The following MCM7 variants were observed in gnomAD, a reference collection of about 807,000 sequenced individuals.
MCM7 encodes minichromosome maintenance complex component 7, also known as DNA replication licensing factor MCM7.
Under a neutral mutation model 83.5 loss-of-function variants are expected in MCM7, and 95 were observed. The ratio of observed to expected loss-of-function variants is 1.14; its 90% confidence interval spans 0.96 to 1.35. MCM7 has a LOEUF of 1.35. Among genes scored for constraint, MCM7 ranks in the 40% most tolerant of loss-of-function variants. MCM7 has a pLI of 0.00. For missense variants in MCM7, 1,087 were observed against 957.4 expected (o/e 1.14, Z -1.79); for synonymous variants, 461 against 352.7 (o/e 1.31, Z -3.44).
In MCM7 at chr7:100,097,926, A is replaced by C; in HGVS notation, c.893T>G (p.Leu298Arg). 6.2e-7 allele frequency: 1 copy of C among 1,614,190 alleles called. No individual in the cohort carries two copies. The highest frequency in any genetic ancestry group is 8.5e-7 in the Non-Finnish European group (1 of 1,180,026). ...VVQGLLSETY[L>R]EAHRIVKMNK... Reference sequence around the variant, plus strand: ...CATCTTCACAATCCGATGGGCTTCCAGGTAGGTTTCTGAGAGTAAACCCTT... The same window carrying C: ...CATCTTCACAATCCGATGGGCTTCCCGGTAGGTTTCTGAGAGTAAACCCTT... The change falls in exon 8 of 15, where the codon CTG becomes CGG. Residue 298 changes from leucine to arginine, a missense_variant. Physicochemically the swap from Leu to Arg is moderately radical, Grantham distance 102 (BLOSUM62 -2). Transcript: ENST00000303887.
intron 10 of MCM7, among the ~76,000 whole-genome samples, chr7:100,096,770 C>CA (rs913582077): frequency 8.6e-4 from 130 of 150,560 alleles, no homozygotes; most frequent in African/African-American, 1.4e-3. Flanking sequence ...GACTCCGTCT[C>CA]AAAAAAAACA....
At chr7:100,093,227 C>CA in intron 14 of MCM7, 65 bp downstream of exon 14, 1 of 1,592,712 alleles carries the variant, frequency 6.3e-7, no homozygotes, top group Admixed American at 1.7e-5. Flanking sequence ...GAATTGAGGC[C>CA]AACCTCAGAC....
chr7:100,099,452 G>A (rs752240975), intron 3 of MCM7, 49 bp from the exon 4 acceptor site: 3 of 1,586,584 alleles, frequency 1.9e-6, no homozygotes, highest in South Asian at 1.2e-5. Context: ...ACAGGATGGG[G>A]AAAGGAGAGC....
intron 1 of MCM7, 47 bp downstream of exon 1, chr7:100,101,216 CG>C: frequency 6.2e-7 from 1 of 1,610,768 alleles, no homozygotes; most frequent in Non-Finnish European, 8.5e-7. Context: ...AGGTGTTCCC[CG>C]GGAGGCTCCC....
At position 100,098,143 on chromosome 7, in the gene MCM7, G is replaced by A; in HGVS notation, c.868C>T (p.Gln290Ter). Reference sequence around the variant, plus strand: ...CCTCATGTCAAACTCTTCCTTACCTGTACCACCTGTCGGAACCCAGTGCGC... The same window carrying A: ...CCTCATGTCAAACTCTTCCTTACCTATACCACCTGTCGGAACCCAGTGCGC... Reference protein sequence around the residue: ...ILRTGFRQVVQGLLSETYLEA... With the variant: ...ILRTGFRQVV The change falls in exon 7 of 15, where the codon CAG becomes TAG. Residue 290 changes from glutamine (Q) to a stop codon, truncating the protein, a stop_gained and splice_region_variant. Coordinates refer to ENST00000303887, the MANE Select transcript of MCM7 (RefSeq NM_005916.5). LOFTEE classifies it high-confidence loss of function. The A allele has an allele frequency of 1.2e-6, 2 of 1,613,998 alleles. No individual in the cohort carries two copies. Among genetic ancestry groups the A allele is most frequent in the Non-Finnish European group, 1.7e-6 (2 of 1,179,938 alleles).
chr7:100,096,484 A>G (rs1795641409), intron 10 of MCM7, among the ~76,000 whole-genome samples: 1 of 152,222 alleles, frequency 6.6e-6, no homozygotes, highest in Admixed American at 6.5e-5. Flanking sequence ...AAAACTTTTT[A>G]GTAGAGGCCG....
At chr7:100,094,909 A>G (rs1329410480) in intron 12 of MCM7, among the ~76,000 whole-genome samples, 1 of 152,232 alleles carries the variant, frequency 6.6e-6, no homozygotes, top group Non-Finnish European at 1.5e-5. Context: ...AGGTAATTTT[A>G]TTAAAAATAT....
rs559736436 is a variant in MCM7 at position 100,094,680 on chromosome 7, T to C, written c.1680-339A>G. Among the ~76,000 whole-genome samples the C allele has an allele frequency of 5.9e-4, 90 of 152,246 alleles. 2 individuals carry two copies. In the South Asian group the frequency reaches 0.018, roughly 30 times the overall value. On this transcript the variant is annotated intron_variant, in intron 12 of 14. Coordinates refer to ENST00000303887, the MANE Select transcript of MCM7 (RefSeq NM_005916.5). Reference sequence around the variant, plus strand: ...AACATATATTTTATTTAAAGAGAACTGTTTACAGAATATTTAAAAGGGAGT... The same window carrying C: ...AACATATATTTTATTTAAAGAGAACCGTTTACAGAATATTTAAAAGGGAGT...
chr7:100,097,530 CTG>C lies in MCM7; in HGVS notation c.1117+82_1117+83del. 5.6e-6 allele frequency: 9 copies of C among 1,601,360 alleles called. No homozygotes were observed. The South Asian group carries it at 9.9e-5, about 18-fold the overall frequency. On this transcript the variant is annotated intron_variant, in intron 9 of 14. Coordinates refer to ENST00000303887, the MANE Select transcript of MCM7 (RefSeq NM_005916.5). ...CACGAAGGCAAGATGTCCACTCATACTGTGACCTACAGGGACACTTGTCATCC... is the reference window on the plus strand; with the variant it reads ...CACGAAGGCAAGATGTCCACTCATACTGACCTACAGGGACACTTGTCATCC...
chr7:100,097,265 C>T (rs1248838389), intron 10 of MCM7, 36 bp downstream of exon 10: 1 of 1,577,028 alleles, frequency 6.3e-7, no homozygotes, highest in East Asian at 2.2e-5. Flanking sequence ...TCCTGTCTGT[C>T]ACTATATTCA....
Position 100,093,414 on chromosome 7 carries a change from TAGGGGGGAAAGATGGGAACGGG to T in MCM7, c.1849-35_1849-14del. ...TTCTCAGACGTGCCTAAGGGGAAGGTAGGGGGGAAAGATGGGAACGGGAGGAGGGCAGTGGAACGAGGTCAGG... is the reference window on the plus strand; with the variant it reads ...TTCTCAGACGTGCCTAAGGGGAAGGTAGGAGGGCAGTGGAACGAGGTCAGG... On this transcript the variant is annotated splice_polypyrimidine_tract_variant and intron_variant, in intron 13 of 14. Transcript: ENST00000303887. 1 of 1,611,838 alleles carries T rather than the reference TAGGGGGGAAAGATGGGAACGGG, an allele frequency of 6.2e-7. No individual in the cohort carries two copies. Among genetic ancestry groups the T allele is most frequent in the Non-Finnish European group, 8.5e-7 (1 of 1,178,260 alleles).
chr7:100,093,518 A>C, intron 13 of MCM7, 117 bp from the exon 14 acceptor site: 1 of 918,234 alleles, frequency 1.1e-6, no homozygotes, highest in Non-Finnish European at 1.8e-6. Flanking sequence ...TACTCACAAA[A>C]CAGGAGTGGA....
At chr7:100,096,226 A>T in intron 10 of MCM7, 59 bp from the exon 11 acceptor site, 2 of 1,496,710 alleles carry the variant, frequency 1.3e-6, no homozygotes, top group Non-Finnish European at 1.8e-6. Flanking sequence ...GAACAAGCAA[A>T]AGACAACAAA....
rs1001999947 is a variant in MCM7, at chr7:100,100,068, C to A, written c.57G>T (p.Glu19Asp). The A allele has an allele frequency of 6.2e-7, 1 of 1,614,168 alleles. No individual in the cohort carries two copies. Residue 19 changes from glutamate (E) to aspartate (D), a missense_variant, in exon 2 of 15, where the codon GAG becomes GAT. By Grantham distance (45) the Glu-to-Asp change is conservative. Transcript: ENST00000303887. ...TCCCGAGTTCATCATCCTGGTAGAA[C>A]TCTTGTAAGAACTTCTTAACCTTTT... ...EKEKVKKFLQEFYQDDELGKK... is the reference protein window; with the variant it reads ...EKEKVKKFLQDFYQDDELGKK...
At chr7:100,099,554 C>G in intron 3 of MCM7, 35 bp downstream of exon 3, 1 of 1,609,240 alleles carries the variant, frequency 6.2e-7, no homozygotes, top group Non-Finnish European at 8.5e-7. Context: ...TTAAACGCCT[C>G]GCCCTTTGTT....
At chr7:100,098,380 T>C (rs1460456192) in intron 6 of MCM7, 90 bp from the exon 7 acceptor site, 16 of 1,534,042 alleles carry the variant, frequency 1.0e-5, no homozygotes, top group Non-Finnish European at 1.4e-5. Context: ...GCTCCCAGGC[T>C]ACCCAGCCAC....
At chr7:100,100,876 C>T (rs78828105) in intron 1 of MCM7, 6 of 1,051,034 alleles carry the variant, frequency 5.7e-6, no homozygotes, top group Non-Finnish European at 6.9e-6. Context: ...CCTACGCGCG[C>T]CTGGGGAGGG....
rs368905543 is a variant in MCM7 at position 100,097,293 on chromosome 7, C to G, written c.1201+8G>C. ...TATATTCACCTCCCGCAAAGCCCAA[C>G]TACTTACTGCGAGGCGCCAGTCGAT... On this transcript the variant is annotated splice_region_variant and intron_variant, in intron 10 of 14. Transcript: ENST00000303887. 1 of 1,613,872 alleles carries G rather than the reference C, an allele frequency of 6.2e-7. No homozygotes were observed. The highest frequency in any genetic ancestry group is 1.7e-5 in the Admixed American group (1 of 60,010).
chr7:100,098,328 G>A (rs1795755473), intron 6 of MCM7, 38 bp from the exon 7 acceptor site: 2 of 1,607,758 alleles, frequency 1.2e-6, no homozygotes, highest in African/African-American at 1.3e-5. Flanking sequence ...AGGAGAAATG[G>A]ACAAGGACCC....
Sources: allele counts gnomAD v4.1 joint callset (sites outside exome capture counted in the v4.1 genomes callset), GRCh38; gene constraint gnomAD v4.1.1; transcripts MANE v1.5; gene names NCBI Gene and HGNC (gene_info 2026-07-23, HGNC 2026-07-21).